MTHFS: variants seen among roughly 807,000 people sequenced by gnomAD.
The protein encoded by MTHFS is methenyltetrahydrofolate synthetase.
In MTHFS, 7 loss-of-function variants were observed where a neutral mutation model predicts 12.7. That is an observed-to-expected ratio of 0.55 (90% confidence interval 0.31 to 1.03). The LOEUF is 1.03. Among genes scored for constraint, MTHFS ranks in the 50% least tolerant of loss-of-function variants. The pLI, the probability that MTHFS is intolerant of heterozygous loss-of-function variation, is 0.05. For missense variants in MTHFS, 252 were observed against 258.1 expected, an observed-to-expected ratio of 0.98 and a Z score of 0.16; for synonymous variants, 100 against 97.1, an observed-to-expected ratio of 1.03 and a Z score of -0.18.
intron 2 of MTHFS, among the ~76,000 whole-genome samples, chr15:79,883,797 C>G (rs769704040): frequency 1.1e-4 from 16 of 152,186 alleles, no homozygotes; most frequent in Non-Finnish European, 1.3e-4. Flanking sequence ...TTAAGTAATT[C>G]TGCCCAAGTG....
intron 2 of MTHFS, among the ~76,000 whole-genome samples, chr15:79,848,336 C>T (rs36107316): frequency 0.076 from 11,527 of 152,038 alleles, 493 homozygotes; most frequent in Non-Finnish European, 0.09. Context: ...GGTTACCAGG[C>T]GCAGGAGAAA....
intron 2 of MTHFS, among the ~76,000 whole-genome samples, chr15:79,846,921 C>A (rs1285644380): frequency 6.6e-6 from 1 of 152,246 alleles, no homozygotes; most frequent in Admixed American, 6.5e-5. Context: ...GCAAGGTGCT[C>A]TGTAAGGTCC....
intron 1 of MTHFS, 73 bp from the exon 2 acceptor site, chr15:79,889,427 C>T: frequency 1.3e-6 from 2 of 1,488,452 alleles, no homozygotes; most frequent in Non-Finnish European, 1.8e-6. Context: ...TTCCTCCTTT[C>T]TCTCTCAGCC....
intron 2 of MTHFS, among the ~76,000 whole-genome samples, chr15:79,868,116 T>C (rs528621267): frequency 6.2e-4 from 95 of 152,210 alleles, no homozygotes; most frequent in Non-Finnish European, 1.1e-3. Context: ...AGCCAAGGTG[T>C]TGCATGCAAA....
At chr15:79,888,532 A>G (rs533054532) in intron 2 of MTHFS, among the ~76,000 whole-genome samples, 112 of 152,352 alleles carry the variant, frequency 7.4e-4, no homozygotes, top group African/African-American at 2.6e-3. Flanking sequence ...AGGCAAGAGG[A>G]GATGTCAGCT....
intron 2 of MTHFS, among the ~76,000 whole-genome samples, chr15:79,873,788 C>T (rs904613046): frequency 6.6e-6 from 1 of 152,146 alleles, no homozygotes; most frequent in African/African-American, 2.4e-5. Flanking sequence ...TGGTAGGGGG[C>T]TTTGTGAGCT....
At chr15:79,896,740 C>A in intron 1 of MTHFS, 132 bp downstream of exon 1, 3 of 1,132,690 alleles carry the variant, frequency 2.6e-6, no homozygotes, top group Non-Finnish European at 2.3e-6. Context: ...GGAGGGGAAA[C>A]GTGCGCGCGC....
chr15:79,846,041 C>A (rs944975484), intron 2 of MTHFS, among the ~76,000 whole-genome samples: 1 of 152,204 alleles, frequency 6.6e-6, no homozygotes, highest in African/African-American at 2.4e-5. Context: ...TGGGGACCCA[C>A]AACTAGTTCT....
intron 2 of MTHFS, among the ~76,000 whole-genome samples, chr15:79,878,714 A>G (rs750386956): frequency 1.3e-5 from 2 of 151,720 alleles, no homozygotes; most frequent in Middle Eastern, 3.4e-3. Context: ...TCTTCTCCCT[A>G]TGTGGAGGGA....
intron 2 of MTHFS, among the ~76,000 whole-genome samples, chr15:79,868,296 C>A (rs536428356): frequency 6.6e-6 from 1 of 152,102 alleles, no homozygotes; most frequent in African/African-American, 2.4e-5. Context: ...TCTGCAACTT[C>A]GAATATAATT....
At chr15:79,895,844 C>G (rs1360634984) in intron 1 of MTHFS, among the ~76,000 whole-genome samples, 3 of 152,182 alleles carry the variant, frequency 2.0e-5, no homozygotes, top group African/African-American at 7.2e-5. Context: ...CAAGGAACAT[C>G]AAGTTTCCAA....
chr15:79,883,887 G>A (rs1428328418), intron 2 of MTHFS, among the ~76,000 whole-genome samples: 1 of 152,152 alleles, frequency 6.6e-6, no homozygotes, highest in Non-Finnish European at 1.5e-5. Context: ...AGACTATCCT[G>A]AAGAAACACA....
At chr15:79,872,542 T>C (rs146400872) in intron 2 of MTHFS, among the ~76,000 whole-genome samples, 40 of 152,272 alleles carry the variant, frequency 2.6e-4, no homozygotes, top group African/African-American at 8.7e-4. Flanking sequence ...TAGCCCAGAG[T>C]CAGCAAGGCA....
At chr15:79,852,259 C>T (rs912698827) in intron 2 of MTHFS, among the ~76,000 whole-genome samples, 1 of 151,998 alleles carries the variant, frequency 6.6e-6, no homozygotes, top group African/African-American at 2.4e-5. Flanking sequence ...TGAAGCACAA[C>T]CTCCTTGAAT....
intron 2 of MTHFS, among the ~76,000 whole-genome samples, chr15:79,886,350 A>G (rs1009356947): frequency 2.0e-5 from 3 of 152,232 alleles, no homozygotes; most frequent in Non-Finnish European, 4.4e-5. Flanking sequence ...ATGTTAGGAG[A>G]TAACAAACAG....
chr15:79,890,598 CTTA>C (rs1342134120), intron 1 of MTHFS, among the ~76,000 whole-genome samples: 1 of 152,004 alleles, frequency 6.6e-6, no homozygotes, highest in East Asian at 1.9e-4. Flanking sequence ...GAATACTTTT[CTTA>C]TTCTTTATAA....
At chr15:79,863,647 T>C (rs576935495) in intron 2 of MTHFS, among the ~76,000 whole-genome samples, 4 of 152,194 alleles carry the variant, frequency 2.6e-5, no homozygotes, top group Non-Finnish European at 4.4e-5. Flanking sequence ...GTGCCTAAGT[T>C]CTGACAAATG....
chr15:79,882,011 A>G (rs1241166269), intron 2 of MTHFS, among the ~76,000 whole-genome samples: 1 of 152,274 alleles, frequency 6.6e-6, no homozygotes, highest in Non-Finnish European at 1.5e-5. Context: ...GAGGTCACCC[A>G]AAATGCCTAC....
chr15:79,897,158 T>A, upstream of MTHFS: 2 of 567,366 alleles, frequency 3.5e-6, no homozygotes, highest in South Asian at 3.3e-5. Flanking sequence ...GCCGCGCGCT[T>A]ACCTCGCCTC....
Sources: allele counts gnomAD v4.1 joint callset (sites outside exome capture counted in the v4.1 genomes callset), GRCh38; gene constraint gnomAD v4.1.1; transcripts MANE v1.5; gene names NCBI Gene and HGNC (gene_info 2026-07-23, HGNC 2026-07-21).